TOR1AIP2: variants seen among roughly 807,000 people sequenced by gnomAD.
The protein encoded by TOR1AIP2 is torsin-1A-interacting protein 2.
TOR1AIP2 carries 20 observed loss-of-function variants against 32.6 expected under a neutral mutation model. That is an observed-to-expected ratio of 0.61 (90% confidence interval 0.43 to 0.89). The LOEUF (loss-of-function observed/expected upper bound fraction) is 0.89, where lower values mean the gene tolerates loss of function less well. Among genes scored for constraint, TOR1AIP2 ranks in the 40% least tolerant of loss-of-function variants. The pLI is 0.00. For synonymous variants in TOR1AIP2, 214 were observed against 210.8 expected (o/e 1.02, Z -0.13); for missense variants, 456 against 553.8 (o/e 0.82, Z 1.77).
chr1:179,867,200 A>G (rs1441835107), intron 2 of TOR1AIP2, among the ~76,000 whole-genome samples: 7 of 152,220 alleles, frequency 4.6e-5, no homozygotes, highest in African/African-American at 1.7e-4. Context: ...CTACGACAAC[A>G]TGGGGCCCAT....
At chr1:179,870,555 C>G (rs1386754030) in intron 2 of TOR1AIP2, among the ~76,000 whole-genome samples, 1 of 151,844 alleles carries the variant, frequency 6.6e-6, no homozygotes, top group Non-Finnish European at 1.5e-5. Flanking sequence ...TTTTCCAATC[C>G]CACCCCTCCT....
Position 179,850,847 on chromosome 1 carries a change from G to T in TOR1AIP2, c.551C>A (p.Pro184Gln), listed in dbSNP as rs748173529. 35 of 1,612,280 alleles carry T rather than the reference G, an allele frequency of 2.2e-5. No individual in the cohort carries two copies. Among genetic ancestry groups the T allele is most frequent in the Non-Finnish European group, 2.9e-5 (34 of 1,178,926 alleles). Reference sequence around the variant, plus strand: ...AGTAGTTCAGGGGGTTCTCTTACCTGGGGCCAGCAGTCGCCTCCTCAGTGT... The same window carrying T: ...AGTAGTTCAGGGGGTTCTCTTACCTTGGGCCAGCAGTCGCCTCCTCAGTGT... ...EDTLRRRLLAPEAGSHPQQTQ... is the reference protein window; with the variant it reads ...EDTLRRRLLAQEAGSHPQQTQ... Residue 184 changes from proline to glutamine, a missense_variant and splice_region_variant, in exon 5 of 7, where the codon CCA becomes CAA. By Grantham distance (76) the Pro-to-Gln change is moderately conservative. Coordinates refer to ENST00000609928, the MANE Select transcript of TOR1AIP2 (RefSeq NM_001199260.2).
chr1:179,848,034 G>GAA (rs11445917), intron 5 of TOR1AIP2, among the ~76,000 whole-genome samples: 93 of 86,644 alleles, frequency 1.1e-3, no homozygotes, highest in Middle Eastern at 0.013. Context: ...CTCCATCTCA[G>GAA]AAAAAAAAAA....
At chr1:179,861,416 G>A (rs1277333097) in intron 3 of TOR1AIP2, 2 of 985,208 alleles carry the variant, frequency 2.0e-6, no homozygotes, top group Non-Finnish European at 2.4e-6. Flanking sequence ...TCAATTTTAT[G>A]AGCTCTACTA....
intron 2 of TOR1AIP2, chr1:179,875,808 A>G (rs1176151227): frequency 6.6e-6 from 1 of 152,008 alleles, no homozygotes; most frequent in Non-Finnish European, 1.5e-5. Context: ...CCCAGCTATG[A>G]CTCCAGTCTA....
chr1:179,865,574 G>A lies in TOR1AIP2; in HGVS notation c.-285C>T, dbSNP rs185446280. Reference sequence around the variant, plus strand: ...CACACAGAGGCACTTGGCTTACTCTGCTTTGTTGGTAAGGTTATTGTGTCT... The same window carrying A: ...CACACAGAGGCACTTGGCTTACTCTACTTTGTTGGTAAGGTTATTGTGTCT... On this transcript the variant is annotated 5_prime_UTR_variant, in exon 3 of 7. Coordinates refer to ENST00000609928, the MANE Select transcript of TOR1AIP2 (RefSeq NM_001199260.2). 4.8e-4 allele frequency: 81 copies of A among 169,196 alleles called. 1 individual carries two copies. In the East Asian group the frequency reaches 0.011, roughly 24 times the overall value. 10.5% of individuals were successfully genotyped at this position (169,196 alleles called of 1,614,324 possible).
At position 179,860,860 on chromosome 1, in the gene TOR1AIP2, A is replaced by G. The variant is rs1037207436; in HGVS notation, c.-147+4576T>C. ...TGGAGAGATGAACGGGCTGCGGCTC[A>G]TCTCACTTTTACAGACAGCTATGAC... On this transcript the variant is annotated intron_variant, in intron 3 of 6. Coordinates refer to ENST00000609928, the MANE Select transcript of TOR1AIP2 (RefSeq NM_001199260.2). The G allele has an allele frequency of 1.0e-5, 10 of 985,326 alleles. No homozygotes were observed. The African/African-American group carries it at 1.7e-4, about 17-fold the overall frequency. 61.0% of individuals were successfully genotyped at this position (985,326 alleles called of 1,614,324 possible).
chr1:179,849,394 T>C (rs1172534672), intron 5 of TOR1AIP2, among the ~76,000 whole-genome samples: 1 of 149,484 alleles, frequency 6.7e-6, no homozygotes, highest in Non-Finnish European at 1.5e-5. Flanking sequence ...TGCATGCAGC[T>C]GTTTTTGTGT....
rs558564851 is a variant in TOR1AIP2 at position 179,840,344 on chromosome 1, A to G, written c.*5727T>C. The stretch of plus-strand genomic sequence containing the variant: ...GGCTTGGCCAACTCTGCCCCATACA[A>G]TGTGACTCAGCCTGTTGCTTCCCAA... On this transcript the variant is annotated 3_prime_UTR_variant, in exon 7 of 7. Transcript: ENST00000609928. 41 of 152,298 alleles carry G rather than the reference A, an allele frequency of 2.7e-4. No individual in the cohort carries two copies. The highest frequency in any genetic ancestry group is 8.7e-4 in the African/African-American group (36 of 41,554). The allele number at this position is 152,298 out of a possible 1,614,324, so 9.4% of individuals were successfully genotyped here.
chr1:179,847,422 A>G, intron 6 of TOR1AIP2, 113 bp downstream of exon 6: 1 of 753,490 alleles, frequency 1.3e-6, no homozygotes, highest in Non-Finnish European at 2.3e-6. Context: ...TCATTAAATA[A>G]GTATATATAA....
chr1:179,860,715 T>C (rs1696491170), intron 3 of TOR1AIP2: 1 of 985,042 alleles, frequency 1.0e-6, no homozygotes, highest in Non-Finnish European at 1.2e-6. Flanking sequence ...GGTCATTTAA[T>C]AGTATCAGAA....
chr1:179,858,729 A>G (rs1696402448), intron 3 of TOR1AIP2, among the ~76,000 whole-genome samples: 1 of 152,214 alleles, frequency 6.6e-6, no homozygotes, highest in Non-Finnish European at 1.5e-5. Context: ...AGGACACGGA[A>G]AAGCTGCCTG....
At chr1:179,868,544 T>G (rs1456721973) in intron 2 of TOR1AIP2, 1 of 152,220 alleles carries the variant, frequency 6.6e-6, no homozygotes, top group Non-Finnish European at 1.5e-5. Flanking sequence ...AGTTGCACTC[T>G]TAGGCACATA....
chr1:179,861,034 T>C, intron 3 of TOR1AIP2: 1 of 985,474 alleles, frequency 1.0e-6, no homozygotes, highest in African/African-American at 1.7e-5. Context: ...TGTATTTTCT[T>C]TCCGGTCTGC....
intron 3 of TOR1AIP2, among the ~76,000 whole-genome samples, chr1:179,855,627 G>A (rs941697468): frequency 2.6e-5 from 4 of 152,152 alleles, no homozygotes; most frequent in Non-Finnish European, 4.4e-5. Flanking sequence ...CAACTTTAGA[G>A]AGAAATATGG....
In TOR1AIP2 at chr1:179,843,072, T is replaced by G. The variant is rs1196789026; in HGVS notation, c.*2999A>C. On this transcript the variant is annotated 3_prime_UTR_variant, in exon 7 of 7. Coordinates refer to ENST00000609928, the MANE Select transcript of TOR1AIP2 (RefSeq NM_001199260.2). Reference sequence around the variant, plus strand: ...TCAAAAAAAAAAAAAAAAAAAAAAGTATAGAACAAATAGAAATTAACCTAA... The same window carrying G: ...TCAAAAAAAAAAAAAAAAAAAAAAGGATAGAACAAATAGAAATTAACCTAA... The G allele has an allele frequency of 7.4e-6, 1 of 135,128 alleles. No homozygotes were observed. Among genetic ancestry groups the G allele is most frequent in the African/African-American group, 2.8e-5 (1 of 35,402 alleles). 8.4% of individuals were successfully genotyped at this position (135,128 alleles called of 1,614,324 possible).
chr1:179,855,794 T>C (rs1696276741), intron 3 of TOR1AIP2, among the ~76,000 whole-genome samples: 1 of 152,124 alleles, frequency 6.6e-6, no homozygotes, highest in African/African-American at 2.4e-5. Context: ...AGAAAGTGGG[T>C]TTAAAAAATT....
rs147866582 is a variant in TOR1AIP2 at position 179,846,512 on chromosome 1, T to C, written c.972A>G (p.Lys324=). 12 of 1,614,104 alleles carry C rather than the reference T, an allele frequency of 7.4e-6. No individual in the cohort carries two copies. The African/African-American group carries it at 1.2e-4, about 16-fold the overall frequency. ...CCCCATCAATCTGAATGGGAGAGAC[T>C]TTCTGGGAAGAGGTGTAGGCATCTG... ...HVADAYTSSQ[K]VSPIQIDGAG... Residue 324 remains lysine, a synonymous_variant, in exon 7 of 7, where the codon AAA becomes AAG. Transcript: ENST00000609928.
At chr1:179,862,363 T>C in intron 3 of TOR1AIP2, 1 of 985,408 alleles carries the variant, frequency 1.0e-6, no homozygotes, top group Non-Finnish European at 1.2e-6. Flanking sequence ...AAGTAAATTT[T>C]CACTTTTTAG....
Sources: allele counts gnomAD v4.1 joint callset (sites outside exome capture counted in the v4.1 genomes callset), GRCh38; gene constraint gnomAD v4.1.1; transcripts MANE v1.5; gene names NCBI Gene and HGNC (gene_info 2026-07-23, HGNC 2026-07-21).